Variants in STYK1 observed in about 807,000 individuals in gnomAD.
STYK1 encodes the protein tyrosine-protein kinase STYK1.
Under a neutral mutation model 48.1 loss-of-function variants are expected in STYK1, and 46 were observed. The ratio of observed to expected loss-of-function variants is 0.96; its 90% CI spans 0.75 to 1.22. The LOEUF is 1.22. Ranked by LOEUF, STYK1 falls within the 50% of genes most tolerant of loss-of-function variation. The pLI, the probability that STYK1 is intolerant of heterozygous loss-of-function variation, is 0.00. For synonymous variants in STYK1, 188 were observed against 189.0 expected (o/e 0.99, Z 0.04); for missense variants, 527 against 521.1 (o/e 1.01, Z -0.11).
At chr12:10,655,139 A>AT (rs760034576) in intron 1 of STYK1, among the ~76,000 whole-genome samples, 12 of 152,180 alleles carry the variant, frequency 7.9e-5, no homozygotes, top group Non-Finnish European at 1.6e-4. Context: ...AATCTGGTGT[A>AT]TTTTGTGCTT....
intron 1 of STYK1, among the ~76,000 whole-genome samples, chr12:10,671,829 GT>G (rs1233124882): frequency 1.3e-5 from 2 of 152,202 alleles, no homozygotes; most frequent in African/African-American, 4.8e-5. Context: ...GTGGGAAATA[GT>G]TTCTGCCAGA....
chr12:10,672,798 G>A lies in STYK1; in HGVS notation c.-195+1168C>T, dbSNP rs961413793. The stretch of plus-strand genomic sequence containing the variant: ...CCTAGCAAACTCACACAGTAATGGA[G>A]GCACTGAACGAAAAAGTATATGATT... On this transcript the variant is annotated intron_variant, in intron 1 of 10. Coordinates refer to ENST00000075503, the MANE Select transcript of STYK1 (RefSeq NM_018423.3). The surrounding 1 kb of genome is among the most constrained non-coding windows in gnomAD (Gnocchi z 4.0). 7.9e-5 allele frequency among the ~76,000 whole-genome samples: 12 copies of A among 152,138 alleles called. No individual in the cohort carries two copies. Among genetic ancestry groups the A allele is most frequent in the Non-Finnish European group, 1.6e-4 (11 of 68,034 alleles).
chr12:10,622,051 G>A (rs140341938), intron 9 of STYK1, 79 bp from the exon 10 acceptor site: 3 of 1,340,460 alleles, frequency 2.2e-6, no homozygotes, highest in Non-Finnish European at 3.2e-6. Flanking sequence ...CATCCACTTG[G>A]GTTGGTTGCT....
intron 1 of STYK1, among the ~76,000 whole-genome samples, chr12:10,671,238 C>T (rs1376795823): frequency 6.6e-6 from 1 of 152,132 alleles, no homozygotes; most frequent in African/African-American, 2.4e-5. Context: ...TCGTGATCCG[C>T]CCACCTCAGC....
chr12:10,661,064 A>G (rs548074217), intron 1 of STYK1, among the ~76,000 whole-genome samples: 5 of 152,102 alleles, frequency 3.3e-5, no homozygotes, highest in Admixed American at 3.3e-4. Context: ...GGGGGTCTGA[A>G]TTGGGACCCC....
chr12:10,657,265 C>A (rs954672701), intron 1 of STYK1, among the ~76,000 whole-genome samples: 4 of 152,154 alleles, frequency 2.6e-5, no homozygotes, highest in African/African-American at 9.7e-5. Context: ...AAGGGCTCCT[C>A]CCTGAAGCCA....
intron 10 of STYK1, 141 bp downstream of exon 10, chr12:10,621,735 C>A: frequency 1.6e-6 from 1 of 619,828 alleles, no homozygotes; most frequent in Non-Finnish European, 2.9e-6. Flanking sequence ...GTATATTTTA[C>A]TGCATGGGTT....
intron 4 of STYK1, 33 bp downstream of exon 4, chr12:10,633,957 A>G (rs1212908871): frequency 2.5e-6 from 4 of 1,607,336 alleles, no homozygotes; most frequent in Non-Finnish European, 3.4e-6. Flanking sequence ...ATCTTCTTTA[A>G]GCCCCTGCCC....
At chr12:10,658,760 T>C (rs1433570953) in intron 1 of STYK1, among the ~76,000 whole-genome samples, 1 of 152,214 alleles carries the variant, frequency 6.6e-6, no homozygotes, top group Non-Finnish European at 1.5e-5. Context: ...TGTATTTGAA[T>C]AAATATGTTC....
At position 10,631,059 on chromosome 12, in the gene STYK1, A is replaced by G. The variant is rs1187103882; in HGVS notation, c.437T>C (p.Leu146Pro). Reference sequence around the variant, plus strand: ...TCTTGTTTTACCTTTTAAAGCCTTGAGAATAACACTCTTGGGCTTAGAAGG... The same window carrying G: ...TCTTGTTTTACCTTTTAAAGCCTTGGGAATAACACTCTTGGGCTTAGAAGG... ...GDPSKPKSVI[L>P]KALKEPAGLH... Residue 146 changes from leucine to proline, a missense_variant, in exon 5 of 11, where the codon CTC becomes CCC. Leu to Pro is a moderately conservative substitution (Grantham distance 98). Transcript: ENST00000075503. The G allele has an allele frequency of 3.1e-6, 5 of 1,613,914 alleles. No individual in the cohort carries two copies. The highest frequency in any genetic ancestry group is 1.7e-5 in the Admixed American group (1 of 60,020).
At chr12:10,629,392 A>T in intron 6 of STYK1, 101 bp downstream of exon 6, 1 of 1,225,716 alleles carries the variant, frequency 8.2e-7, no homozygotes, top group Non-Finnish European at 1.2e-6. Context: ...ATGCTATTAT[A>T]GTGTCTCTGC....
chr12:10,669,179 G>T (rs945092901), intron 1 of STYK1, among the ~76,000 whole-genome samples: 1 of 152,140 alleles, frequency 6.6e-6, no homozygotes, highest in Non-Finnish European at 1.5e-5. Context: ...CATTGGATCT[G>T]CAAGAAATTT....
At chr12:10,642,011 A>G (rs1947550740) in intron 1 of STYK1, among the ~76,000 whole-genome samples, 1 of 152,162 alleles carries the variant, frequency 6.6e-6, no homozygotes, top group African/African-American at 2.4e-5. Context: ...TTGCCTTCCT[A>G]GTTTAGTGAG....
intron 5 of STYK1, 151 bp downstream of exon 5, chr12:10,630,894 G>T: frequency 9.9e-7 from 1 of 1,014,824 alleles, no homozygotes; most frequent in Non-Finnish European, 1.4e-6. Flanking sequence ...AAGACACCAA[G>T]AAAAACATTT....
rs1357550955 is a variant in STYK1, at chr12:10,631,174, C to A, written c.322G>T (p.Val108Leu). The A allele has an allele frequency of 2.5e-6, 4 of 1,614,164 alleles. No homozygotes were observed. The highest frequency in any genetic ancestry group is 1.7e-5 in the Admixed American group (1 of 60,016). ...ACTTCAGAGAGTTGCTCCCGCGGCA[C>A]CTGCAGCTTAGCCAGGGCAGGTGTG... Reference protein sequence around the residue: ...ATTPALAKLQVPREQLSEVLE... With the variant: ...ATTPALAKLQLPREQLSEVLE... The change falls in exon 5 of 11, where the codon GTG becomes TTG. Residue 108 changes from valine to leucine, a missense_variant. By Grantham distance (32) the Val-to-Leu change is conservative (BLOSUM62 1). Coordinates refer to ENST00000075503, the MANE Select transcript of STYK1 (RefSeq NM_018423.3).
Position 10,652,598 on chromosome 12 carries a change from C to A in STYK1, c.-194-15402G>T, listed in dbSNP as rs527915210. Among the ~76,000 whole-genome samples, 3 of 152,308 alleles carry A rather than the reference C, an allele frequency of 2.0e-5. No individual in the cohort carries two copies. In the South Asian group the frequency reaches 6.2e-4, roughly 32 times the overall value. ...AGTAAAGCTTTTCTATGCTGAATAACTTGAGGATCTGTTAAATCCTTCAGG... is the reference window on the plus strand; with the variant it reads ...AGTAAAGCTTTTCTATGCTGAATAAATTGAGGATCTGTTAAATCCTTCAGG... On this transcript the variant is annotated intron_variant, in intron 1 of 10. Coordinates refer to ENST00000075503, the MANE Select transcript of STYK1 (RefSeq NM_018423.3).
At chr12:10,634,156 A>AAAG in intron 3 of STYK1, 32 bp from the exon 4 acceptor site, 2 of 1,363,144 alleles carry the variant, frequency 1.5e-6, no homozygotes, top group Non-Finnish European at 9.7e-7. Context: ...AAGAGAAGAG[A>AAAG]ATGAAGAAGC....
At chr12:10,668,438 C>T (rs1007759179) in intron 1 of STYK1, among the ~76,000 whole-genome samples, 12 of 150,258 alleles carry the variant, frequency 8.0e-5, no homozygotes, top group East Asian at 2.0e-4. Context: ...TGCAGTGGTA[C>T]GATCTTGGCT....
chr12:10,643,405 T>A (rs1353345851), intron 1 of STYK1, among the ~76,000 whole-genome samples: 1 of 152,170 alleles, frequency 6.6e-6, no homozygotes, highest in Admixed American at 6.5e-5. Context: ...CTGGCCACAC[T>A]GAAAACCTGA....
Sources: allele counts gnomAD v4.1 joint callset (sites outside exome capture counted in the v4.1 genomes callset), GRCh38; gene constraint gnomAD v4.1.1; non-coding constraint Gnocchi (gnomAD v3.1); transcripts MANE v1.5; gene names NCBI Gene and HGNC (gene_info 2026-07-23, HGNC 2026-07-21).